The following PI4K2B variants were observed in gnomAD, a reference collection of about 807,000 sequenced individuals.
PI4K2B encodes phosphatidylinositol 4-kinase type 2-beta.
Under a neutral mutation model 56.6 loss-of-function variants are expected in PI4K2B, and 46 were observed. The ratio of observed to expected loss-of-function variants is 0.81; its 90% CI spans 0.64 to 1.04. PI4K2B has a LOEUF of 1.04. Among genes scored for constraint, PI4K2B ranks in the 50% least tolerant of loss-of-function variants. PI4K2B has a pLI of 0.00. For synonymous variants in PI4K2B, 211 were observed against 223.8 expected (o/e 0.94, Z 0.51); for missense variants, 556 against 607.7 (o/e 0.91, Z 0.89).
Position 25,268,572 on chromosome 4 carries a change from T to C in PI4K2B, c.1208T>C (p.Phe403Ser). 6.4e-7 allele frequency: 1 copy of C among 1,559,394 alleles called. No homozygotes were observed. Among genetic ancestry groups the C allele is most frequent in the Non-Finnish European group, 8.7e-7 (1 of 1,146,528 alleles). ...TTATGTGAAGATCTCTATGAACTTT[T>C]TAAGGTAAGTTAATGCTTAGTTTGA... is the stretch of plus-strand genomic sequence containing the variant. ...QDLCEDLYELFKTDKGFDKAT... is the reference protein window; with the variant it reads ...QDLCEDLYELSKTDKGFDKAT... Residue 403 changes from phenylalanine to serine, a missense_variant, in exon 8 of 10, where the codon TTT becomes TCT. Transcript: ENST00000264864.
At chr4:25,236,919 TTTAG>T (rs1254763935) in intron 1 of PI4K2B, among the ~76,000 whole-genome samples, 2 of 152,212 alleles carry the variant, frequency 1.3e-5, no homozygotes, top group Admixed American at 1.3e-4. Context: ...ACTTTTTAAG[TTTAG>T]TTATTTTTTA....
chr4:25,255,675 C>T (rs1716237112), intron 3 of PI4K2B, among the ~76,000 whole-genome samples: 1 of 152,194 alleles, frequency 6.6e-6, no homozygotes, highest in Non-Finnish European at 1.5e-5. Flanking sequence ...GTTGCCCAGA[C>T]TGGCCTTAAA....
intron 1 of PI4K2B, among the ~76,000 whole-genome samples, chr4:25,251,196 A>G (rs1716033983): frequency 6.6e-6 from 1 of 152,156 alleles, no homozygotes; most frequent in Non-Finnish European, 1.5e-5. Flanking sequence ...GGCCATTCCA[A>G]AGTTAAGTAG....
chr4:25,261,705 G>C (rs951760028), intron 6 of PI4K2B, among the ~76,000 whole-genome samples: 2 of 148,430 alleles, frequency 1.3e-5, no homozygotes, highest in African/African-American at 2.5e-5. Context: ...CTGAGTGAAA[G>C]AAGCTACACA....
At chr4:25,236,161 A>T (rs1203168108) in intron 1 of PI4K2B, among the ~76,000 whole-genome samples, 1 of 151,396 alleles carries the variant, frequency 6.6e-6, no homozygotes, top group Non-Finnish European at 1.5e-5. Flanking sequence ...TCTCCACTGC[A>T]CTCCAGCCTG....
intron 9 of PI4K2B, 163 bp from the exon 10 acceptor site, chr4:25,276,851 A>G (rs1461276444): frequency 9.1e-6 from 9 of 984,960 alleles, no homozygotes; most frequent in African/African-American, 3.5e-5. Context: ...GTGTAAACAT[A>G]CATTCATATA....
intron 7 of PI4K2B, among the ~76,000 whole-genome samples, chr4:25,265,567 A>G (rs899730605): frequency 1.3e-5 from 2 of 152,164 alleles, no homozygotes; most frequent in Non-Finnish European, 2.9e-5. Flanking sequence ...GCTCTGCTTT[A>G]CATACTCATA....
intron 9 of PI4K2B, among the ~76,000 whole-genome samples, chr4:25,269,651 A>C (rs556026996): frequency 6.2e-4 from 95 of 152,064 alleles, no homozygotes; most frequent in South Asian, 2.1e-3. Context: ...AAAAAAAAAA[A>C]AGAAATGAAG....
intron 2 of PI4K2B, 133 bp downstream of exon 2, chr4:25,252,608 C>T: frequency 4.0e-6 from 3 of 743,510 alleles, no homozygotes; most frequent in Non-Finnish European, 6.6e-6. Flanking sequence ...AAACAAAGGT[C>T]AGTTTTTGTT....
intron 1 of PI4K2B, among the ~76,000 whole-genome samples, chr4:25,239,077 C>T (rs1042301544): frequency 6.6e-6 from 1 of 152,168 alleles, no homozygotes; most frequent in Non-Finnish European, 1.5e-5. Flanking sequence ...ATTTACAAAC[C>T]TTGAGCTAGA....
intron 5 of PI4K2B, 96 bp from the exon 6 acceptor site, chr4:25,260,428 T>C: frequency 2.0e-6 from 1 of 489,502 alleles, no homozygotes. Flanking sequence ...CCAGTGAAAG[T>C]CTCAAAAATC....
chr4:25,246,221 G>C lies in PI4K2B; in HGVS notation c.269-6100G>C, dbSNP rs185024266. 1.2e-4 allele frequency among the ~76,000 whole-genome samples: 18 copies of C among 152,180 alleles called. 1 individual carries two copies. In the East Asian group the frequency reaches 3.5e-3, roughly 30 times the overall value. On this transcript the variant is annotated intron_variant, in intron 1 of 9. Coordinates refer to ENST00000264864, the MANE Select transcript of PI4K2B (RefSeq NM_018323.4). ...TTCCACAGTGTGGAAGGGGACCTGA[G>C]TGGGTTGCCACTGCTGGTTCGGGCA...
intron 1 of PI4K2B, among the ~76,000 whole-genome samples, chr4:25,243,411 G>T (rs991106888): frequency 6.6e-6 from 1 of 152,166 alleles, no homozygotes; most frequent in Non-Finnish European, 1.5e-5. Context: ...CGGGTGATTG[G>T]CCTGCTCCAT....
At chr4:25,273,324 G>GA (rs1716976673) in intron 9 of PI4K2B, among the ~76,000 whole-genome samples, 1 of 151,962 alleles carries the variant, frequency 6.6e-6, no homozygotes, top group Admixed American at 6.5e-5. Flanking sequence ...CATGTGACCT[G>GA]AAAAAATGCA....
At chr4:25,251,882 G>A (rs189691387) in intron 1 of PI4K2B, among the ~76,000 whole-genome samples, 1 of 152,154 alleles carries the variant, frequency 6.6e-6, no homozygotes, top group East Asian at 1.9e-4. Context: ...GGAGTGCAGT[G>A]GCGCAATCTC....
At chr4:25,240,561 G>C (rs1715473178) in intron 1 of PI4K2B, among the ~76,000 whole-genome samples, 1 of 152,168 alleles carries the variant, frequency 6.6e-6, no homozygotes, top group Admixed American at 6.5e-5. Flanking sequence ...GATTTCCTGG[G>C]GCAATGGTAA....
In PI4K2B at chr4:25,256,639, G is replaced by T. The variant is rs751507424; in HGVS notation, c.721G>T (p.Gly241Cys). 6.2e-7 allele frequency: 1 copy of T among 1,613,498 alleles called. No homozygotes were observed. Among genetic ancestry groups the T allele is most frequent in the South Asian group, 1.1e-5 (1 of 91,018 alleles). Residue 241 changes from glycine to cysteine, a missense_variant, in exon 4 of 10, where the codon GGT becomes TGT. Gly to Cys is a radical substitution (Grantham distance 159). Coordinates refer to ENST00000264864, the MANE Select transcript of PI4K2B (RefSeq NM_018323.4). The stretch of plus-strand genomic sequence containing the variant: ...TGCTTTAGAAAAAGTGCCAAAAGTG[G>T]GTAGAAAGTTTCATAGGATAGGACT... ...KYALEKVPKV[G>C]RKFHRIGLPP...
At chr4:25,258,959 C>T in intron 4 of PI4K2B, 78 bp from the exon 5 acceptor site, 1 of 650,924 alleles carries the variant, frequency 1.5e-6, no homozygotes, top group South Asian at 2.8e-5. Flanking sequence ...TATTTTTTGA[C>T]AGTACTGCTG....
At chr4:25,250,090 G>T (rs538280900) in intron 1 of PI4K2B, among the ~76,000 whole-genome samples, 2 of 152,162 alleles carry the variant, frequency 1.3e-5, no homozygotes, top group African/African-American at 4.8e-5. Flanking sequence ...GTGGCAGCGC[G>T]CGCCTGCAAT....
Sources: gnomAD v4.1 joint callset for allele counts (sites outside exome capture counted in the v4.1 genomes callset) on GRCh38, gnomAD v4.1.1 for gene constraint, MANE v1.5 for transcripts, NCBI Gene and HGNC (gene_info 2026-07-23, HGNC 2026-07-21) for gene names.